The following MTUS2 variants were observed in gnomAD, a reference collection of about 807,000 sequenced individuals.
MTUS2 encodes microtubule-associated tumor suppressor candidate 2.
In MTUS2, 40 loss-of-function variants were observed where a neutral mutation model predicts 114.1. The ratio of observed to expected loss-of-function variants is 0.35; its 90% CI spans 0.27 to 0.46. The LOEUF is 0.46. Ranked by LOEUF, MTUS2 falls within the 20% of genes least tolerant of loss-of-function variation. MTUS2 has a pLI of 1.00. For synonymous variants in MTUS2, 688 were observed against 672.0 expected (o/e 1.02, Z -0.37); for missense variants, 1,679 against 1,705.4 (o/e 0.98, Z 0.27).
intron 8 of MTUS2, among the ~76,000 whole-genome samples, chr13:29,397,400 G>A (rs1873988350): frequency 6.6e-6 from 1 of 151,980 alleles, no homozygotes; most frequent in Non-Finnish European, 1.5e-5. Context: ...CTTCTACTGT[G>A]CCAAGACCCT....
chr13:29,377,377 A>G (rs969644087), intron 8 of MTUS2, among the ~76,000 whole-genome samples: 5 of 152,178 alleles, frequency 3.3e-5, no homozygotes, highest in Admixed American at 1.3e-4. Context: ...TAAAACAATG[A>G]AATTGTACAA....
chr13:29,447,041 G>A (rs1878334455), intron 9 of MTUS2, among the ~76,000 whole-genome samples: 1 of 152,104 alleles, frequency 6.6e-6, no homozygotes, highest in Non-Finnish European at 1.5e-5. Context: ...CAAAAGAAAT[G>A]CTGATTGGAT....
intron 5 of MTUS2, among the ~76,000 whole-genome samples, chr13:29,164,358 C>T (rs1043154599): frequency 2.0e-5 from 3 of 152,196 alleles, no homozygotes; most frequent in Admixed American, 2.0e-4. Context: ...CTGAAGTCAG[C>T]AGCACTGTGC....
At chr13:29,488,145 C>T (rs1266281933) in intron 11 of MTUS2, 140 bp downstream of exon 11, 2 of 659,294 alleles carry the variant, frequency 3.0e-6, no homozygotes, top group Non-Finnish European at 5.3e-6. Flanking sequence ...TTCCTGTTGG[C>T]TCCTGGGAAA....
chr13:29,500,950 C>T, intron 14 of MTUS2, 147 bp from the exon 15 acceptor site: 2 of 585,658 alleles, frequency 3.4e-6, no homozygotes, highest in East Asian at 2.9e-5. Flanking sequence ...TTCCTCTGAC[C>T]TGATTTTAAA....
At chr13:29,140,862 A>G (rs1157823015) in intron 5 of MTUS2, among the ~76,000 whole-genome samples, 1 of 152,132 alleles carries the variant, frequency 6.6e-6, no homozygotes, top group African/African-American at 2.4e-5. Flanking sequence ...AAACACAGCA[A>G]AGTATATGCT....
At chr13:28,848,210 C>T (rs1203648651) in intron 2 of MTUS2, among the ~76,000 whole-genome samples, 2 of 152,138 alleles carry the variant, frequency 1.3e-5, no homozygotes, top group African/African-American at 2.4e-5. Flanking sequence ...AATTTACTAT[C>T]TTTCCAAGAA....
At chr13:29,166,771 C>G (rs1195966295) in intron 5 of MTUS2, among the ~76,000 whole-genome samples, 1 of 151,972 alleles carries the variant, frequency 6.6e-6, no homozygotes, top group East Asian at 1.9e-4. Flanking sequence ...AGGTCAGTAG[C>G]CTACCATTGT....
chr13:29,294,090 T>C (rs1429476272), intron 6 of MTUS2, among the ~76,000 whole-genome samples: 3 of 152,206 alleles, frequency 2.0e-5, no homozygotes, highest in Admixed American at 6.5e-5. Context: ...AAAAGGATAA[T>C]AATTTGTTCT....
intron 2 of MTUS2, among the ~76,000 whole-genome samples, chr13:29,020,231 T>C (rs1886236781): frequency 6.6e-6 from 1 of 152,216 alleles, no homozygotes; most frequent in South Asian, 2.1e-4. Context: ...CTTTTTGTAA[T>C]AATAGATCTG....
chr13:29,207,624 T>C lies in MTUS2; in HGVS notation c.2645-74080T>C, dbSNP rs1244854286. On this transcript the variant is annotated intron_variant, in intron 5 of 15. Transcript: ENST00000612955. Reference sequence around the variant, plus strand: ...TCTATGCTAATTTTGCTGAGGGTTTTAATATAAAGGGATGGTGGATTTTGT... The same window carrying C: ...TCTATGCTAATTTTGCTGAGGGTTTCAATATAAAGGGATGGTGGATTTTGT... Among the ~76,000 whole-genome samples, 3 of 152,304 alleles carry C rather than the reference T, an allele frequency of 2.0e-5. 1 individual carries two copies. The South Asian group carries it at 6.2e-4, about 32-fold the overall frequency.
chr13:29,404,828 A>G (rs1380833500), intron 8 of MTUS2, among the ~76,000 whole-genome samples: 2 of 152,200 alleles, frequency 1.3e-5, no homozygotes, highest in Admixed American at 6.5e-5. Flanking sequence ...GATAGGCTCT[A>G]AGTAGTAGTC....
At chr13:29,003,725 A>G (rs919855083) in intron 2 of MTUS2, among the ~76,000 whole-genome samples, 3 of 152,184 alleles carry the variant, frequency 2.0e-5, no homozygotes, top group Non-Finnish European at 4.4e-5. Flanking sequence ...TTGTGCAGAA[A>G]AGGAAGGCCA....
At position 29,049,171 on chromosome 13, in the gene MTUS2, C is replaced by CT. The variant is rs1232866365; in HGVS notation, c.2446+15047dup. On this transcript the variant is annotated intron_variant, in intron 4 of 15. Transcript: ENST00000612955. The stretch of plus-strand genomic sequence containing the variant: ...TTGCAACTCTTTGGCCAGTGAGAGT[C>CT]TAAGTATGGAAGACAAGGTGAATTT... 3.9e-5 allele frequency among the ~76,000 whole-genome samples: 6 copies of CT among 152,300 alleles called. No homozygotes were observed. The South Asian group carries it at 1.0e-3, about 26-fold the overall frequency.
chr13:29,309,239 A>G (rs767478280), intron 6 of MTUS2, among the ~76,000 whole-genome samples: 2 of 152,202 alleles, frequency 1.3e-5, no homozygotes, highest in Non-Finnish European at 2.9e-5. Context: ...ACTATGGGAT[A>G]CTATGCAGCC....
At chr13:29,471,551 A>C (rs1880298101) in intron 9 of MTUS2, among the ~76,000 whole-genome samples, 1 of 152,074 alleles carries the variant, frequency 6.6e-6, no homozygotes, top group Admixed American at 6.5e-5. Flanking sequence ...GTCCTTGCCC[A>C]CTGCTGCGGG....
chr13:28,822,693 A>ATT lies in MTUS2; in HGVS notation c.-316+2091_-316+2092dup, dbSNP rs577853390. 1.3e-3 allele frequency among the ~76,000 whole-genome samples: 149 copies of ATT among 118,438 alleles called. 1 individual carries two copies. Among genetic ancestry groups the ATT allele is most frequent in the African/African-American group, 4.5e-3 (144 of 31,672 alleles). 77.7% of individuals were successfully genotyped at this position (118,438 alleles called of 152,430 possible). A position where few individuals can be genotyped will look rare whatever the true frequency, so the allele number is the denominator to read the frequency against. On this transcript the variant is annotated intron_variant, in intron 1 of 15. Transcript: ENST00000612955. Reference sequence around the variant, plus strand: ...CCTGAGTTTGTATTTGTACTTTTGGATTTTTTTTTTAAATAAGGAGAGTAC... The same window carrying ATT: ...CCTGAGTTTGTATTTGTACTTTTGGATTTTTTTTTTTTAAATAAGGAGAGTAC...
rs758524501 is a variant in MTUS2 at position 29,170,947 on chromosome 13, C to G, written c.2644+69977C>G. Among the ~76,000 whole-genome samples the G allele has an allele frequency of 9.2e-5, 14 of 152,184 alleles. 1 individual carries two copies. The highest frequency in any genetic ancestry group is 1.5e-4 in the Non-Finnish European group (10 of 68,034). On this transcript the variant is annotated intron_variant, in intron 5 of 15. Transcript: ENST00000612955. ...TTGAATGGCGAGGGAGTGTGGCTTA[C>G]TATTTCATGAATCCTTGCATCAGGA...
intron 2 of MTUS2, among the ~76,000 whole-genome samples, chr13:28,960,970 T>C (rs1404890139): frequency 6.6e-6 from 1 of 151,858 alleles, no homozygotes; most frequent in Non-Finnish European, 1.5e-5. Flanking sequence ...CAAATGGACA[T>C]TGTAGAACTG....
Sources: gnomAD v4.1 joint callset for allele counts (sites outside exome capture counted in the v4.1 genomes callset) on GRCh38, gnomAD v4.1.1 for gene constraint, MANE v1.5 for transcripts, NCBI Gene and HGNC (gene_info 2026-07-23, HGNC 2026-07-21) for gene names.